DNAH11: variants seen among roughly 807,000 people sequenced by gnomAD.
The protein encoded by DNAH11 is dynein axonemal heavy chain 11.
DNAH11 carries 442 observed loss-of-function variants against 526.0 expected under a neutral mutation model. The ratio of observed to expected loss-of-function variants is 0.84; its 90% confidence interval spans 0.78 to 0.91. DNAH11 has a LOEUF of 0.91. DNAH11 is among the 40% of genes least tolerant of loss of function. The pLI, the probability that DNAH11 is intolerant of heterozygous loss-of-function variation, is 0.00. For missense variants in DNAH11, 6,989 were observed against 5,448.7 expected (o/e 1.28, Z -8.90); for synonymous variants, 2,461 against 1,935.9 (o/e 1.27, Z -7.12).
intron 27 of DNAH11, among the ~76,000 whole-genome samples, chr7:21,638,338 T>G (rs941452458): frequency 3.3e-4 from 50 of 152,206 alleles, no homozygotes; most frequent in Non-Finnish European, 6.2e-4. Flanking sequence ...TGAAAGTTTT[T>G]TTGGTAACGA....
intron 63 of DNAH11, among the ~76,000 whole-genome samples, chr7:21,814,626 T>C (rs897256657): frequency 7.9e-5 from 12 of 151,432 alleles, no homozygotes; most frequent in African/African-American, 2.9e-4. Flanking sequence ...TTTGGTTTTT[T>C]CACAAAATTT....
At chr7:21,593,064 C>T (rs926992773) in intron 14 of DNAH11, among the ~76,000 whole-genome samples, 1 of 152,102 alleles carries the variant, frequency 6.6e-6, no homozygotes, top group Non-Finnish European at 1.5e-5. Context: ...AGATTAAGAA[C>T]ATGTGGGAAT....
At chr7:21,742,662 T>C (rs115449964) in intron 49 of DNAH11, among the ~76,000 whole-genome samples, 149 of 152,298 alleles carry the variant, frequency 9.8e-4, no homozygotes, top group African/African-American at 3.3e-3. Flanking sequence ...GTTAACGGTG[T>C]TCCTTTATAA....
At position 21,606,532 on chromosome 7, in the gene DNAH11, T is replaced by A. The variant is rs1163982086; in HGVS notation, c.3755T>A (p.Ile1252Asn). Reference protein sequence around the residue: ...AEVTLIRKKCILFDAKQAEFR... With the variant: ...AEVTLIRKKCNLFDAKQAEFR... The stretch of plus-strand genomic sequence containing the variant: ...GTCACTCTTATAAGGAAAAAATGTA[T>A]TTTGTTTGACGTAAGCTAGTTACCA... Residue 1252 changes from isoleucine (I) to asparagine (N), a missense_variant, in exon 19 of 82, where the codon ATT (isoleucine) becomes AAT (asparagine). Ile to Asn is a moderately radical substitution (Grantham distance 149, BLOSUM62 -3). Coordinates refer to ENST00000409508, the MANE Select transcript of DNAH11 (RefSeq NM_001277115.2). 6.2e-7 allele frequency: 1 copy of A among 1,609,536 alleles called. No individual in the cohort carries two copies. The highest frequency in any genetic ancestry group is 8.5e-7 in the Non-Finnish European group (1 of 1,178,642).
In DNAH11 at chr7:21,589,504, C is replaced by T. The variant is rs1784599489; in HGVS notation, c.2169+101C>T. On this transcript the variant is annotated intron_variant, in intron 12 of 81. Transcript: ENST00000409508. Reference sequence around the variant, plus strand: ...TTGTAATTTACATTTGGGAAAATGTCAGAGTTGTGAGGACTGTAACTGTAA... The same window carrying T: ...TTGTAATTTACATTTGGGAAAATGTTAGAGTTGTGAGGACTGTAACTGTAA... 3.8e-6 allele frequency: 4 copies of T among 1,055,038 alleles called. No homozygotes were observed. The South Asian group carries it at 6.8e-5, about 18-fold the overall frequency. 65.4% of individuals were successfully genotyped at this position (1,055,038 alleles called of 1,614,324 possible).
Position 21,861,898 on chromosome 7 carries a change from G to T in DNAH11, c.11248G>T (p.Val3750Leu). Residue 3750 changes from valine to leucine, a missense_variant, in exon 69 of 82, where the codon GTG becomes TTG. Val to Leu is a conservative substitution (Grantham distance 32, BLOSUM62 1). Coordinates refer to ENST00000409508, the MANE Select transcript of DNAH11 (RefSeq NM_001277115.2). ...CAGAGCGATCGAGCAGGCTGACAAG[G>T]TGGAAGACATGCAGGGACGCATCTC... is the stretch of plus-strand genomic sequence containing the variant. Reference protein sequence around the residue: ...FHRAIEQADKVEDMQGRISIL... With the variant: ...FHRAIEQADKLEDMQGRISIL... 1 of 1,613,530 alleles carries T rather than the reference G, an allele frequency of 6.2e-7. No homozygotes were observed. Among genetic ancestry groups the T allele is most frequent in the South Asian group, 1.1e-5 (1 of 91,008 alleles).
At chr7:21,691,453 TTCAA>T (rs1331143531) in intron 35 of DNAH11, among the ~76,000 whole-genome samples, 1 of 151,886 alleles carries the variant, frequency 6.6e-6, no homozygotes, top group Non-Finnish European at 1.5e-5. Context: ...CACACATTCG[TTCAA>T]ATCTGACGGG....
chr7:21,662,562 G>A (rs1395599574), intron 30 of DNAH11, among the ~76,000 whole-genome samples: 1 of 152,028 alleles, frequency 6.6e-6, no homozygotes, highest in Non-Finnish European at 1.5e-5. Flanking sequence ...TGATGGAATG[G>A]CTAAATCAGG....
rs188940839 is a variant in DNAH11 at position 21,688,421 on chromosome 7, C to T, written c.5924+894C>T. On this transcript the variant is annotated intron_variant, in intron 34 of 81. Coordinates refer to ENST00000409508, the MANE Select transcript of DNAH11 (RefSeq NM_001277115.2). Reference sequence around the variant, plus strand: ...CCAACCCAACTCACGTTAGGCATCACAGGCCCCAGTCTTTGGATTTACTTT... The same window carrying T: ...CCAACCCAACTCACGTTAGGCATCATAGGCCCCAGTCTTTGGATTTACTTT... Among the ~76,000 whole-genome samples, 10 of 152,328 alleles carry T rather than the reference C, an allele frequency of 6.6e-5. No homozygotes were observed. The East Asian group carries it at 1.9e-3, about 29-fold the overall frequency.
intron 9 of DNAH11, among the ~76,000 whole-genome samples, chr7:21,583,423 A>G (rs929855087): frequency 6.6e-6 from 1 of 152,190 alleles, no homozygotes; most frequent in Non-Finnish European, 1.5e-5. Flanking sequence ...CTTACACCTT[A>G]TAGAAAAATT....
intron 63 of DNAH11, among the ~76,000 whole-genome samples, chr7:21,814,358 TTA>T (rs1491112706): frequency 2.6e-5 from 4 of 151,464 alleles, no homozygotes; most frequent in South Asian, 2.1e-4. Context: ...TATTTTTTTT[TTA>T]TTTTTTTATT....
intron 28 of DNAH11, among the ~76,000 whole-genome samples, chr7:21,644,321 G>A (rs1223198664): frequency 1.3e-5 from 2 of 152,146 alleles, no homozygotes; most frequent in Non-Finnish European, 2.9e-5. Flanking sequence ...GAGTAAAAGT[G>A]TCTCAGCATA....
At chr7:21,651,350 C>T (rs1371007918) in intron 28 of DNAH11, among the ~76,000 whole-genome samples, 1 of 151,924 alleles carries the variant, frequency 6.6e-6, no homozygotes, top group Non-Finnish European at 1.5e-5. Flanking sequence ...ATCTTTCTTC[C>T]TTTTTTATTT....
intron 42 of DNAH11, among the ~76,000 whole-genome samples, chr7:21,713,250 GAC>G (rs1364298816): frequency 6.6e-6 from 1 of 152,044 alleles, no homozygotes; most frequent in Non-Finnish European, 1.5e-5. Context: ...TACCTCTCTG[GAC>G]ACACACTCCA....
intron 59 of DNAH11, 105 bp downstream of exon 59, chr7:21,786,872 T>C (rs1419996030): frequency 6.9e-7 from 1 of 1,450,084 alleles, no homozygotes; most frequent in Non-Finnish European, 9.4e-7. Context: ...GAAGAAATCA[T>C]CTTCATAGTT....
intron 34 of DNAH11, among the ~76,000 whole-genome samples, 169 bp downstream of exon 34, chr7:21,687,696 T>C (rs1358309008): frequency 6.6e-6 from 1 of 152,216 alleles, no homozygotes; most frequent in African/African-American, 2.4e-5. Context: ...TTTTTATTAG[T>C]GGTTTCTAAG....
intron 55 of DNAH11, among the ~76,000 whole-genome samples, chr7:21,767,343 TG>T (rs1208023244): frequency 2.0e-5 from 3 of 152,206 alleles, no homozygotes; most frequent in African/African-American, 7.2e-5. Flanking sequence ...AGTTGGCATG[TG>T]GCACAGTGCT....
intron 69 of DNAH11, 45 bp from the exon 70 acceptor site, chr7:21,864,490 T>C (rs766943850): frequency 6.3e-7 from 1 of 1,590,776 alleles, no homozygotes; most frequent in Admixed American, 1.7e-5. Flanking sequence ...TGTGACGATT[T>C]TCATGTAAAC....
intron 18 of DNAH11, among the ~76,000 whole-genome samples, chr7:21,602,136 T>A (rs1785115698): frequency 6.6e-6 from 1 of 151,924 alleles, no homozygotes; most frequent in South Asian, 2.1e-4. Context: ...GGTTCGGAGT[T>A]CAAGACCAGC....
Sources: allele counts gnomAD v4.1 joint callset (sites outside exome capture counted in the v4.1 genomes callset), GRCh38; gene constraint gnomAD v4.1.1; transcripts MANE v1.5; gene names NCBI Gene and HGNC (gene_info 2026-07-23, HGNC 2026-07-21).